DTNA: variants seen among roughly 807,000 people sequenced by gnomAD.
The protein encoded by DTNA is dystrobrevin alpha.
DTNA carries 43 observed loss-of-function variants against 100.7 expected under a neutral mutation model. That is an observed-to-expected ratio of 0.43 (90% CI 0.33 to 0.55). The LOEUF (loss-of-function observed/expected upper bound fraction) is 0.55, where lower values mean the gene tolerates loss of function less well. Among genes scored for constraint, DTNA ranks in the 20% least tolerant of loss-of-function variants. DTNA has a pLI of 0.04. For missense variants in DTNA, 798 were observed against 953.9 expected, an observed-to-expected ratio of 0.84 and a Z score of 2.15; for synonymous variants, 349 against 347.9, an observed-to-expected ratio of 1.00 and a Z score of -0.04.
At position 34,882,181 on chromosome 18, in the gene DTNA, C is replaced by G; in HGVS notation, c.2275C>G (p.Leu759Val). 1 of 1,613,992 alleles carries G rather than the reference C, an allele frequency of 6.2e-7. No homozygotes were observed. The highest frequency in any genetic ancestry group is 8.5e-7 in the Non-Finnish European group (1 of 1,179,954). Reference protein sequence around the residue: ...LQMEEYLKQKLQDEAYQVSLQ... With the variant: ...LQMEEYLKQKVQDEAYQVSLQ... Reference sequence around the variant, plus strand: ...GATGGAGGAATACCTGAAACAGAAGCTGCAAGATGAAGCTTATCAGGTACA... The same window carrying G: ...GATGGAGGAATACCTGAAACAGAAGGTGCAAGATGAAGCTTATCAGGTACA... Residue 759 changes from leucine to valine, a missense_variant, in exon 21 of 23, where the codon CTG (leucine) becomes GTG (valine). By Grantham distance (32) the Leu-to-Val change is conservative (BLOSUM62 1). Transcript: ENST00000444659.
At chr18:34,815,209 A>G (rs2095569286) in intron 6 of DTNA, among the ~76,000 whole-genome samples, 1 of 152,132 alleles carries the variant, frequency 6.6e-6, no homozygotes, top group Non-Finnish European at 1.5e-5. Flanking sequence ...GTATTTTTTT[A>G]TTTATACCAT....
At position 34,509,026 on chromosome 18, in the gene DTNA, T is replaced by G. The variant is rs544276193; in HGVS notation, c.-2+15512T>G. Among the ~76,000 whole-genome samples the G allele has an allele frequency of 2.0e-5, 3 of 152,278 alleles. No individual in the cohort carries two copies. In the South Asian group the frequency reaches 6.2e-4, roughly 32 times the overall value. On this transcript the variant is annotated intron_variant, in intron 1 of 19. Transcript: ENST00000283365. ...TCTTAGGCTCTTTTTATTCCTTCTG[T>G]TTCATTTGTGCATTCAATTTGATAC... is the stretch of plus-strand genomic sequence containing the variant.
intron 1 of DTNA, among the ~76,000 whole-genome samples, chr18:34,731,992 T>G (rs1326395696): frequency 1.3e-5 from 2 of 152,178 alleles, no homozygotes; most frequent in Admixed American, 6.5e-5. Context: ...CTTTATTCAC[T>G]CATTCTTTCT....
At chr18:34,797,104 G>A (rs1469513215) in intron 4 of DTNA, among the ~76,000 whole-genome samples, 2 of 152,148 alleles carry the variant, frequency 1.3e-5, no homozygotes, top group Admixed American at 1.3e-4. Flanking sequence ...GGTGGGCAGT[G>A]GACCCCAGTG....
At chr18:34,811,061 T>C (rs1902408671) in intron 5 of DTNA, among the ~76,000 whole-genome samples, 1 of 152,206 alleles carries the variant, frequency 6.6e-6, no homozygotes, top group Non-Finnish European at 1.5e-5. Context: ...GGTGGCACAT[T>C]CACAGCAGTT....
At chr18:34,588,134 T>G (rs1302306397) in intron 1 of DTNA, among the ~76,000 whole-genome samples, 1 of 152,162 alleles carries the variant, frequency 6.6e-6, no homozygotes, top group African/African-American at 2.4e-5. Context: ...CAAAAATGTT[T>G]ATGTAACCAA....
chr18:34,695,741 C>A (rs1042026823), intron 1 of DTNA, among the ~76,000 whole-genome samples: 3 of 152,148 alleles, frequency 2.0e-5, no homozygotes, highest in Non-Finnish European at 4.4e-5. Flanking sequence ...ACCATGGAAA[C>A]AACAGGACCA....
chr18:34,540,338 C>T (rs1448332809), intron 1 of DTNA, among the ~76,000 whole-genome samples: 1 of 151,944 alleles, frequency 6.6e-6, no homozygotes, highest in Non-Finnish European at 1.5e-5. Flanking sequence ...TTATGTAGCT[C>T]CTAATAGTGG....
intron 1 of DTNA, among the ~76,000 whole-genome samples, chr18:34,550,255 ATCC>A (rs2145914814): frequency 6.6e-6 from 1 of 152,200 alleles, no homozygotes; most frequent in South Asian, 2.1e-4. Flanking sequence ...TTTCTCCGCG[ATCC>A]TTCTGTCAAC....
At chr18:34,520,354 T>A (rs1381535465) in intron 1 of DTNA, among the ~76,000 whole-genome samples, 1 of 152,078 alleles carries the variant, frequency 6.6e-6, no homozygotes, top group Non-Finnish European at 1.5e-5. Flanking sequence ...CTATCTCATT[T>A]AAAAAATCTT....
intron 13 of DTNA, among the ~76,000 whole-genome samples, chr18:34,842,462 A>T (rs892939961): frequency 6.6e-6 from 1 of 152,140 alleles, no homozygotes; most frequent in Admixed American, 6.6e-5. Context: ...ATAGATTCCT[A>T]TTGGACCTAG....
intron 1 of DTNA, among the ~76,000 whole-genome samples, chr18:34,666,923 A>G (rs904711149): frequency 2.6e-5 from 4 of 152,126 alleles, no homozygotes; most frequent in Non-Finnish European, 5.9e-5. Context: ...TTGGTTCCAT[A>G]TGAACTTTAA....
chr18:34,850,414 T>C (rs1184000867), intron 14 of DTNA, among the ~76,000 whole-genome samples: 2 of 152,222 alleles, frequency 1.3e-5, no homozygotes, highest in Non-Finnish European at 2.9e-5. Flanking sequence ...GAAAGTCATT[T>C]AGAATCTAAA....
chr18:34,600,105 G>A (rs1223811789), intron 1 of DTNA, among the ~76,000 whole-genome samples: 1 of 152,102 alleles, frequency 6.6e-6, no homozygotes, highest in Non-Finnish European at 1.5e-5. Context: ...TAAGTTAGAG[G>A]ATAGTCTTGA....
chr18:34,619,947 T>C (rs533181874), intron 1 of DTNA, among the ~76,000 whole-genome samples: 1 of 152,308 alleles, frequency 6.6e-6, no homozygotes, highest in East Asian at 1.9e-4. Context: ...TGTATCATCA[T>C]GAGACACTGA....
At chr18:34,882,237 C>T in intron 21 of DTNA, 36 bp downstream of exon 21, 4 of 1,611,428 alleles carry the variant, frequency 2.5e-6, no homozygotes, top group Non-Finnish European at 3.4e-6. Flanking sequence ...CCCACCTCTT[C>T]TGCCTCAACC....
At chr18:34,549,081 C>T (rs1480864661) in intron 1 of DTNA, among the ~76,000 whole-genome samples, 1 of 152,056 alleles carries the variant, frequency 6.6e-6, no homozygotes, top group Non-Finnish European at 1.5e-5. Context: ...TCATCTAGAG[C>T]TCCTGCCTCC....
chr18:34,617,588 T>A (rs1273939460), intron 1 of DTNA, among the ~76,000 whole-genome samples: 1 of 152,164 alleles, frequency 6.6e-6, no homozygotes, highest in African/African-American at 2.4e-5. Context: ...ACATTTTCTT[T>A]TTTGTTGCGT....
chr18:34,596,082 T>C (rs1177183306), intron 1 of DTNA, among the ~76,000 whole-genome samples: 1 of 152,224 alleles, frequency 6.6e-6, no homozygotes, highest in East Asian at 1.9e-4. Context: ...TCTTTTTTCC[T>C]GATAGTCATA....
Sources: allele counts gnomAD v4.1 joint callset (sites outside exome capture counted in the v4.1 genomes callset), GRCh38; gene constraint gnomAD v4.1.1; transcripts MANE v1.5; gene names NCBI Gene and HGNC (gene_info 2026-07-23, HGNC 2026-07-21).